The following UNC5D variants were observed in gnomAD, a reference collection of about 807,000 sequenced individuals.
UNC5D encodes netrin receptor UNC5D.
In UNC5D, 39 loss-of-function variants were observed where a neutral mutation model predicts 105.4. That is an observed-to-expected ratio of 0.37 (90% CI 0.29 to 0.48). UNC5D has a LOEUF of 0.48. Among genes scored for constraint, UNC5D ranks in the 20% least tolerant of loss-of-function variants. The probability of loss-of-function intolerance (pLI) is 0.98; values close to 1 mark genes in which losing one functional copy is unlikely to be tolerated. For missense variants in UNC5D, 991 were observed against 1,202.4 expected (o/e 0.82, Z 2.60); for synonymous variants, 452 against 450.4 (o/e 1.00, Z -0.04).
At chr8:35,556,699 G>T (rs1437758125) in intron 2 of UNC5D, among the ~76,000 whole-genome samples, 1 of 152,150 alleles carries the variant, frequency 6.6e-6, no homozygotes, top group African/African-American at 2.4e-5. Flanking sequence ...TGCAAGAGTT[G>T]ATATTATCTT....
In UNC5D at chr8:35,564,993, TG is replaced by T. The variant is rs527852063; in HGVS notation, c.323-3104del. On this transcript the variant is annotated intron_variant, in intron 2 of 16. Coordinates refer to ENST00000404895, the MANE Select transcript of UNC5D (RefSeq NM_080872.4). ...ACATTTTCTTTGTCCATTTATTTGTTGACGGGCCCTTAGCTTGATTCCCTAT... is the reference window on the plus strand; with the variant it reads ...ACATTTTCTTTGTCCATTTATTTGTTACGGGCCCTTAGCTTGATTCCCTAT... 4.1e-3 allele frequency among the ~76,000 whole-genome samples: 632 copies of T among 152,352 alleles called. 5 individuals carry two copies. Among genetic ancestry groups the T allele is most frequent in the Non-Finnish European group, 7.1e-3 (486 of 68,032 alleles).
chr8:35,468,388 A>G (rs1269470388), intron 1 of UNC5D, among the ~76,000 whole-genome samples: 1 of 152,170 alleles, frequency 6.6e-6, no homozygotes, highest in Non-Finnish European at 1.5e-5. Context: ...GCATTGTTGT[A>G]AAAGTTCGAT....
intron 1 of UNC5D, among the ~76,000 whole-genome samples, chr8:35,447,375 G>C (rs1386679760): frequency 6.6e-6 from 1 of 152,206 alleles, no homozygotes; most frequent in African/African-American, 2.4e-5. Flanking sequence ...TAAGAGAGCT[G>C]CAGCTAAACT....
intron 14 of UNC5D, among the ~76,000 whole-genome samples, chr8:35,763,630 G>C (rs1485259849): frequency 6.6e-6 from 1 of 152,108 alleles, no homozygotes; most frequent in East Asian, 1.9e-4. Context: ...CTCCTACTTA[G>C]CTTAGCTGGG....
In UNC5D at chr8:35,466,762, G is replaced by A. The variant is rs1585908074; in HGVS notation, c.104-82530G>A. ...GAATTTCATTGATCATATAAAAAGAGAGGTTGGTATTCACATATATTGAAA... is the reference window on the plus strand; with the variant it reads ...GAATTTCATTGATCATATAAAAAGAAAGGTTGGTATTCACATATATTGAAA... On this transcript the variant is annotated intron_variant, in intron 1 of 16. Coordinates refer to ENST00000404895, the MANE Select transcript of UNC5D (RefSeq NM_080872.4). Among the ~76,000 whole-genome samples, 4 of 152,242 alleles carry A rather than the reference G, an allele frequency of 2.6e-5. No individual in the cohort carries two copies. In the East Asian group the frequency reaches 7.7e-4, roughly 29 times the overall value.
intron 1 of UNC5D, among the ~76,000 whole-genome samples, chr8:35,260,040 C>T (rs1804366809): frequency 6.6e-6 from 1 of 152,148 alleles, no homozygotes; most frequent in African/African-American, 2.4e-5. Context: ...CGACTGCCTC[C>T]TTCTTTGGCA....
At chr8:35,560,025 C>A (rs1046041474) in intron 2 of UNC5D, among the ~76,000 whole-genome samples, 2 of 152,224 alleles carry the variant, frequency 1.3e-5, no homozygotes, top group Non-Finnish European at 2.9e-5. Context: ...TACAACTAAA[C>A]CATCCAACGG....
chr8:35,572,291 A>C (rs1472140858), intron 3 of UNC5D, among the ~76,000 whole-genome samples: 2 of 150,618 alleles, frequency 1.3e-5, no homozygotes, highest in Non-Finnish European at 3.0e-5. Context: ...AAAAAAAAAA[A>C]AAAAAAAAAC....
intron 1 of UNC5D, among the ~76,000 whole-genome samples, chr8:35,278,643 A>G (rs915238481): frequency 1.3e-5 from 2 of 152,020 alleles, no homozygotes; most frequent in African/African-American, 4.8e-5. Flanking sequence ...ACATGTTTTG[A>G]TGTAAGTATA....
chr8:35,648,196 G>C (rs1371047112), intron 4 of UNC5D, among the ~76,000 whole-genome samples: 2 of 151,948 alleles, frequency 1.3e-5, no homozygotes. Context: ...TATAAAACGT[G>C]GTCTTGTATG....
intron 12 of UNC5D, 133 bp from the exon 13 acceptor site, chr8:35,750,449 G>A (rs1830219382): frequency 1.3e-5 from 11 of 867,914 alleles, no homozygotes; most frequent in East Asian, 2.6e-5. Context: ...AGTTAACATC[G>A]GGATAATTGG....
intron 4 of UNC5D, among the ~76,000 whole-genome samples, chr8:35,604,304 G>C (rs1404005022): frequency 6.6e-6 from 1 of 152,104 alleles, no homozygotes; most frequent in African/African-American, 2.4e-5. Flanking sequence ...CACTTATGAA[G>C]CTTAGTTTGG....
intron 1 of UNC5D, among the ~76,000 whole-genome samples, chr8:35,515,293 T>A (rs1014671093): frequency 4.6e-5 from 7 of 152,214 alleles, no homozygotes; most frequent in Non-Finnish European, 8.8e-5. Context: ...AATTGCCATT[T>A]GATTTCAGGT....
At chr8:35,750,451 G>A (rs1213435361) in intron 12 of UNC5D, 131 bp from the exon 13 acceptor site, 5 of 887,860 alleles carry the variant, frequency 5.6e-6, no homozygotes, top group African/African-American at 5.1e-5. Context: ...TTAACATCGG[G>A]ATAATTGGGC....
rs1440389738 is a variant in UNC5D, at chr8:35,697,134, T to TATAC, written c.1085-8789_1085-8786dup. On this transcript the variant is annotated intron_variant, in intron 7 of 16. Coordinates refer to ENST00000404895, the MANE Select transcript of UNC5D (RefSeq NM_080872.4). Reference sequence around the variant, plus strand: ...ATAGATAGATACACATACTTATATATATACATACACACACACACACACACA... The same window carrying TATAC: ...ATAGATAGATACACATACTTATATATATACATACATACACACACACACACACACA... 6.2e-5 allele frequency among the ~76,000 whole-genome samples: 9 copies of TATAC among 144,452 alleles called. No homozygotes were observed. In the South Asian group the frequency reaches 1.9e-3, roughly 31 times the overall value. 94.8% of individuals were successfully genotyped at this position (144,452 alleles called of 152,430 possible).
intron 4 of UNC5D, among the ~76,000 whole-genome samples, chr8:35,638,802 T>TA (rs201319662): frequency 9.9e-4 from 150 of 150,818 alleles, no homozygotes; most frequent in African/African-American, 2.8e-3. Context: ...CCTGTCTCTT[T>TA]AAAAAAAAAG....
chr8:35,681,180 G>T (rs1825637361), intron 4 of UNC5D, among the ~76,000 whole-genome samples: 1 of 152,174 alleles, frequency 6.6e-6, no homozygotes. Flanking sequence ...ATCCCAGAAA[G>T]ATCATGGCAG....
At chr8:35,638,213 A>G (rs1232145740) in intron 4 of UNC5D, among the ~76,000 whole-genome samples, 1 of 152,164 alleles carries the variant, frequency 6.6e-6, no homozygotes, top group Non-Finnish European at 1.5e-5. Context: ...TCTCATAGTG[A>G]TGAAATCATT....
At chr8:35,585,422 T>G (rs1818723570) in intron 3 of UNC5D, among the ~76,000 whole-genome samples, 1 of 152,130 alleles carries the variant, frequency 6.6e-6, no homozygotes, top group African/African-American at 2.4e-5. Flanking sequence ...AAAGGTGGCC[T>G]TTCTTCGTTA....
Sources: allele counts gnomAD v4.1 joint callset (sites outside exome capture counted in the v4.1 genomes callset), GRCh38; gene constraint gnomAD v4.1.1; transcripts MANE v1.5; gene names NCBI Gene and HGNC (gene_info 2026-07-23, HGNC 2026-07-21).